SUSD5: variants seen among roughly 807,000 people sequenced by gnomAD.
SUSD5 encodes the protein sushi domain containing 5, also known as sushi domain-containing protein 5.
In SUSD5, 33 loss-of-function variants were observed where a neutral mutation model predicts 29.5. The observed-to-expected ratio is 1.12, with a 90% CI of 0.85 to 1.49. The LOEUF (loss-of-function observed/expected upper bound fraction) is 1.49. Ranked by LOEUF, SUSD5 falls within the 40% of genes most tolerant of loss-of-function variation. The probability of loss-of-function intolerance (pLI) is 0.00; values close to 1 mark genes in which losing one functional copy is unlikely to be tolerated. For synonymous variants in SUSD5, 308 were observed against 325.3 expected, an observed-to-expected ratio of 0.95 and a Z score of 0.57; for missense variants, 776 against 800.6, an observed-to-expected ratio of 0.97 and a Z score of 0.37.
Position 33,167,003 on chromosome 3 carries a change from A to T in SUSD5, c.598+7883T>A, listed in dbSNP as rs1302666020. Among the ~76,000 whole-genome samples the T allele has an allele frequency of 6.6e-6, 1 of 151,984 alleles. No homozygotes were observed. The highest frequency in any genetic ancestry group is 1.5e-5 in the Non-Finnish European group (1 of 68,018). ...AGACCAGCCTGGCCAACATGGCGAA[A>T]CCCTGTCTCTACTAAAAGTACAAAA... On this transcript the variant is annotated intron_variant, in intron 4 of 4. Coordinates refer to ENST00000309558, the MANE Select transcript of SUSD5 (RefSeq NM_015551.2). This position sits in a 1 kb window ranked among gnomAD's most constrained non-coding sequence, Gnocchi z 4.1.
intron 4 of SUSD5, among the ~76,000 whole-genome samples, chr3:33,159,624 A>C (rs2031132619): frequency 6.6e-6 from 1 of 152,042 alleles, no homozygotes. Context: ...GAAAATATCT[A>C]AGTGTTCCAG....
chr3:33,203,964 G>T (rs1242854398), intron 3 of SUSD5, among the ~76,000 whole-genome samples: 1 of 152,134 alleles, frequency 6.6e-6, no homozygotes, highest in Non-Finnish European at 1.5e-5. Context: ...GCTCAGGCTG[G>T]AGTGCAGTGG....
intron 4 of SUSD5, among the ~76,000 whole-genome samples, chr3:33,163,726 G>A (rs547643008): frequency 3.3e-5 from 5 of 152,216 alleles, no homozygotes; most frequent in East Asian, 1.9e-4. Flanking sequence ...GGCCGGGTGC[G>A]GTGGCTCACG....
intron 4 of SUSD5, chr3:33,168,591 C>T (rs955576154): frequency 5.1e-6 from 5 of 985,438 alleles, no homozygotes; most frequent in East Asian, 1.1e-4. Context: ...CATCTCAGGG[C>T]CCTGGAGGCA....
chr3:33,214,990 C>A (rs1575547712), intron 1 of SUSD5, among the ~76,000 whole-genome samples: 2 of 151,884 alleles, frequency 1.3e-5, no homozygotes, highest in East Asian at 3.9e-4. Flanking sequence ...ACAACTAAGA[C>A]ACAAGTCATC....
chr3:33,172,222 C>CAA (rs2031442510), intron 4 of SUSD5, among the ~76,000 whole-genome samples: 1 of 144,378 alleles, frequency 6.9e-6, no homozygotes, highest in Admixed American at 7.0e-5. Context: ...CACACACACA[C>CAA]TCTTCTTACA....
intron 3 of SUSD5, among the ~76,000 whole-genome samples, chr3:33,175,445 TTACAGAC>T (rs1354126058): frequency 6.6e-6 from 1 of 152,006 alleles, no homozygotes; most frequent in Non-Finnish European, 1.5e-5. Context: ...AGGCTAAATG[TTACAGAC>T]TACAGAGTAC....
rs1224457539 is a variant in SUSD5 at position 33,152,920 on chromosome 3, C to T, written c.1712G>A (p.Ser571Asn). ...AATGGTGGCGATCACAGGGCCTCTG[C>T]TGAGGCCAGGACATCCGTCCCCCAC... Reference protein sequence around the residue: ...SCVGDGCPGLSRGPVIATIVT... With the variant: ...SCVGDGCPGLNRGPVIATIVT... The change falls in exon 5 of 5, where the codon AGC becomes AAC. Residue 571 changes from serine to asparagine, a missense_variant. Transcript: ENST00000309558. 1.2e-6 allele frequency: 2 copies of T among 1,614,010 alleles called. No homozygotes were observed. Among genetic ancestry groups the T allele is most frequent in the South Asian group, 1.1e-5 (1 of 91,084 alleles).
chr3:33,217,333 C>A (rs996573799), intron 1 of SUSD5, among the ~76,000 whole-genome samples: 2 of 152,136 alleles, frequency 1.3e-5, no homozygotes, highest in Admixed American at 6.6e-5. Flanking sequence ...CAGTAAACTG[C>A]TAATAGGTAT....
At chr3:33,194,331 A>G (rs1428013754) in intron 3 of SUSD5, among the ~76,000 whole-genome samples, 2 of 152,192 alleles carry the variant, frequency 1.3e-5, no homozygotes, top group East Asian at 3.8e-4. Context: ...CTCTACGGGT[A>G]TTAAACTCTT....
At chr3:33,210,798 A>T (rs1465837667) in intron 2 of SUSD5, among the ~76,000 whole-genome samples, 2 of 151,998 alleles carry the variant, frequency 1.3e-5, no homozygotes, top group Non-Finnish European at 2.9e-5. Flanking sequence ...TTTAAAAAAT[A>T]AATTAAAAAG....
At chr3:33,202,289 A>C (rs1360756088) in intron 3 of SUSD5, among the ~76,000 whole-genome samples, 1 of 152,200 alleles carries the variant, frequency 6.6e-6, no homozygotes, top group Non-Finnish European at 1.5e-5. Flanking sequence ...CTGGTATCAC[A>C]GCTGGAAAAT....
chr3:33,174,478 C>T (rs2031501602), intron 4 of SUSD5, among the ~76,000 whole-genome samples: 1 of 152,156 alleles, frequency 6.6e-6, no homozygotes, highest in African/African-American at 2.4e-5. Flanking sequence ...GGCTTCCTAA[C>T]ACATATTCAT....
intron 2 of SUSD5, among the ~76,000 whole-genome samples, chr3:33,209,841 G>A (rs533186541): frequency 6.6e-6 from 1 of 151,944 alleles, no homozygotes; most frequent in South Asian, 2.1e-4. Flanking sequence ...TCAGCTATTA[G>A]GTCTATCCAT....
At chr3:33,183,162 G>C (rs895123734) in intron 3 of SUSD5, among the ~76,000 whole-genome samples, 2 of 151,988 alleles carry the variant, frequency 1.3e-5, no homozygotes, top group African/African-American at 4.8e-5. Context: ...CATATAGTTA[G>C]GTCTTGTTTT....
chr3:33,207,691 T>C, intron 3 of SUSD5, 117 bp downstream of exon 3: 1 of 623,496 alleles, frequency 1.6e-6, no homozygotes, highest in Non-Finnish European at 2.7e-6. Flanking sequence ...GAAGACTTCC[T>C]GATAAACCAT....
chr3:33,159,401 G>A (rs2031126585), intron 4 of SUSD5, among the ~76,000 whole-genome samples: 1 of 152,090 alleles, frequency 6.6e-6, no homozygotes, highest in South Asian at 2.1e-4. Context: ...CCTCTGCTCC[G>A]GCTTCTTCCC....
At chr3:33,154,184 A>C (rs2030995370) in intron 4 of SUSD5, among the ~76,000 whole-genome samples, 151 bp from the exon 5 acceptor site, 1 of 152,190 alleles carries the variant, frequency 6.6e-6, no homozygotes, top group Non-Finnish European at 1.5e-5. Flanking sequence ...TCATAGATAA[A>C]CCCAAATAAT....
chr3:33,198,490 G>A (rs2032039948), intron 3 of SUSD5, among the ~76,000 whole-genome samples: 1 of 152,084 alleles, frequency 6.6e-6, no homozygotes, highest in African/African-American at 2.4e-5. Context: ...ACAAGTTTGG[G>A]GCTTCCTGAT....
Sources: gnomAD v4.1 joint callset for allele counts (sites outside exome capture counted in the v4.1 genomes callset) on GRCh38, gnomAD v4.1.1 for gene constraint, Gnocchi (gnomAD v3.1) non-coding constraint, MANE v1.5 for transcripts, NCBI Gene and HGNC (gene_info 2026-07-23, HGNC 2026-07-21) for gene names.